TMLHE: variants seen among roughly 807,000 people sequenced by gnomAD.
TMLHE encodes trimethyllysine hydroxylase, epsilon, also known as trimethyllysine dioxygenase, mitochondrial.
Under a neutral mutation model 25.7 loss-of-function variants are expected in TMLHE, and 18 were observed. The ratio of observed to expected loss-of-function variants is 0.70; its 90% CI spans 0.48 to 1.04. TMLHE has a LOEUF of 1.04. Ranked by LOEUF, TMLHE falls within the 50% of genes least tolerant of loss-of-function variation. The probability of loss-of-function intolerance (pLI) is 0.00; values close to 1 mark genes in which losing one functional copy is unlikely to be tolerated. For missense variants in TMLHE, 236 were observed against 259.0 expected (o/e 0.91, Z 0.61); for synonymous variants, 105 against 97.0 (o/e 1.08, Z -0.49).
intron 2 of TMLHE, among the ~76,000 whole-genome samples, chrX:155,525,857 G>A (rs2067216707): frequency 8.9e-6 from 1 of 112,413 alleles, no homozygotes; most frequent in Admixed American, 9.4e-5. Context: ...GTATCTGGCA[G>A]AAGAAATGTC....
intron 4 of TMLHE, among the ~76,000 whole-genome samples, chrX:155,512,060 T>C (rs998723021): frequency 5.3e-4 from 59 of 111,859 alleles, no homozygotes; most frequent in African/African-American, 1.9e-3. Flanking sequence ...ACTCTGATTA[T>C]GTGCCCAGTT....
At chrX:155,554,889 T>C (rs181813133) in intron 1 of TMLHE, among the ~76,000 whole-genome samples, 14 of 110,270 alleles carry the variant, frequency 1.3e-4, no homozygotes, top group African/African-American at 2.0e-4. Flanking sequence ...TTTTTTCCTT[T>C]TTTTAATTAT....
intron 1 of TMLHE, among the ~76,000 whole-genome samples, chrX:155,602,940 G>T (rs1167838115): frequency 8.9e-6 from 1 of 112,157 alleles, no homozygotes; most frequent in African/African-American, 3.2e-5. Flanking sequence ...TGAATAAATG[G>T]AGAGGTATTT....
intron 4 of TMLHE, among the ~76,000 whole-genome samples, chrX:155,512,299 C>A (rs782623878): frequency 4.7e-5 from 5 of 105,772 alleles, no homozygotes; most frequent in Non-Finnish European, 7.7e-5. Context: ...GTATATCTCC[C>A]AATGCTATCC....
intron 1 of TMLHE, among the ~76,000 whole-genome samples, chrX:155,550,317 T>A (rs1220642475): frequency 9.0e-6 from 1 of 111,054 alleles, no homozygotes; most frequent in African/African-American, 3.3e-5. Flanking sequence ...CTAATTAAAC[T>A]AATCCTAAAG....
intron 5 of TMLHE, among the ~76,000 whole-genome samples, 169 bp from the exon 6 acceptor site, chrX:155,507,303 T>G (rs1156967407): frequency 2.7e-5 from 3 of 110,514 alleles, no homozygotes; most frequent in Non-Finnish European, 5.7e-5. Flanking sequence ...TGTACTTTTT[T>G]GTGTTTTGAA....
intron 1 of TMLHE, among the ~76,000 whole-genome samples, chrX:155,594,102 CAAATT>C (rs782111304): frequency 2.4e-3 from 270 of 111,619 alleles, no homozygotes; most frequent in African/African-American, 8.5e-3. Context: ...GACCTGCAAT[CAAATT>C]AAACCCAAAG....
chrX:155,508,170 A>G (rs1267742486), intron 5 of TMLHE, among the ~76,000 whole-genome samples: 2 of 111,439 alleles, frequency 1.8e-5, no homozygotes, highest in African/African-American at 6.5e-5. Context: ...GTTTCTGAAT[A>G]TGTTAACAGG....
intron 1 of TMLHE, among the ~76,000 whole-genome samples, chrX:155,549,094 G>C (rs1454218610): frequency 1.8e-5 from 2 of 111,349 alleles, no homozygotes; most frequent in South Asian, 3.7e-4. Flanking sequence ...TTCTGACCTG[G>C]AATGCTGTAA....
At chrX:155,607,058 C>T (rs782179594) in intron 1 of TMLHE, among the ~76,000 whole-genome samples, 21 of 111,602 alleles carry the variant, frequency 1.9e-4, no homozygotes, top group Admixed American at 9.5e-5. Context: ...AGAGCTGGTA[C>T]CATTCCTATT....
At chrX:155,552,909 A>G (rs782121490) in intron 1 of TMLHE, among the ~76,000 whole-genome samples, 1 of 108,537 alleles carries the variant, frequency 9.2e-6, no homozygotes, top group African/African-American at 3.5e-5. Context: ...TTAAGATGCT[A>G]TATTTCCATT....
At chrX:155,555,211 C>T (rs782732693) in intron 1 of TMLHE, among the ~76,000 whole-genome samples, 4 of 109,916 alleles carry the variant, frequency 3.6e-5, no homozygotes, top group Admixed American at 1.9e-4. Flanking sequence ...ATGAACTCAT[C>T]ATTGTTTATG....
At chrX:155,611,663 T>G (rs1156797083) in intron 1 of TMLHE, 1 of 111,649 alleles carries the variant, frequency 9.0e-6, no homozygotes, top group African/African-American at 3.3e-5. Context: ...AGTATAAGTT[T>G]TTTAAGCCTT....
intron 1 of TMLHE, among the ~76,000 whole-genome samples, chrX:155,607,753 T>C (rs2067795398): frequency 1.8e-5 from 2 of 111,787 alleles, no homozygotes; most frequent in Non-Finnish European, 3.8e-5. Context: ...GTAGCATTTC[T>C]ATACATCAAT....
intron 1 of TMLHE, among the ~76,000 whole-genome samples, chrX:155,601,791 A>T (rs1261298191): frequency 9.0e-6 from 1 of 111,126 alleles, no homozygotes; most frequent in Non-Finnish European, 1.9e-5. Flanking sequence ...ATGGAAAGAC[A>T]CACTTTAAAT....
chrX:155,590,497 C>A (rs1557345782), intron 1 of TMLHE, among the ~76,000 whole-genome samples: 1 of 111,356 alleles, frequency 9.0e-6, no homozygotes, highest in African/African-American at 3.3e-5. Context: ...ATAATTATAA[C>A]TGTATTTGGG....
chrX:155,556,217 A>G (rs984100058), intron 1 of TMLHE, among the ~76,000 whole-genome samples: 15 of 24,324 alleles, frequency 6.2e-4, no homozygotes, highest in Admixed American at 2.6e-3. Flanking sequence ...CTATGGTTAC[A>G]AGGAACTGAA....
chrX:155,540,076 A>G (rs1010240966), intron 2 of TMLHE, among the ~76,000 whole-genome samples: 8 of 109,544 alleles, frequency 7.3e-5, no homozygotes, highest in African/African-American at 2.7e-4. Context: ...AGAACAACAT[A>G]CGCATGATGC....
At chrX:155,591,041 A>G (rs1557345836) in intron 1 of TMLHE, among the ~76,000 whole-genome samples, 2 of 111,766 alleles carry the variant, frequency 1.8e-5, no homozygotes, top group African/African-American at 6.5e-5. Context: ...TAAGCCTTAA[A>G]GAGAGCTAGA....
Sources: gnomAD v4.1 joint callset for allele counts (sites outside exome capture counted in the v4.1 genomes callset) on GRCh38, gnomAD v4.1.1 for gene constraint, MANE v1.5 for transcripts, NCBI Gene and HGNC (gene_info 2026-07-23, HGNC 2026-07-21) for gene names.